COLEC12: variants seen among roughly 807,000 people sequenced by gnomAD.
COLEC12 encodes collectin-12.
A neutral mutation model predicts 71.1 loss-of-function variants in COLEC12; 33 were observed. The ratio of observed to expected loss-of-function variants is 0.46; its 90% CI spans 0.35 to 0.62. The LOEUF (loss-of-function observed/expected upper bound fraction) is 0.62. COLEC12 is among the 20% of genes least tolerant of loss of function. COLEC12 has a pLI of 0.00. For synonymous variants in COLEC12, 350 were observed against 353.0 expected (o/e 0.99, Z 0.10); for missense variants, 765 against 916.1 (o/e 0.84, Z 2.13).
At chr18:337,834 CCCA>C (rs1384462134) in intron 5 of COLEC12, among the ~76,000 whole-genome samples, 2 of 152,210 alleles carry the variant, frequency 1.3e-5, no homozygotes, top group Admixed American at 6.5e-5. Flanking sequence ...CATCCCTTCT[CCCA>C]CCACATTGCC....
chr18:335,356 A>G, intron 5 of COLEC12, 126 bp from the exon 6 acceptor site: 1 of 1,022,544 alleles, frequency 9.8e-7, no homozygotes, highest in Non-Finnish European at 1.4e-6. Context: ...CAGCAGGGAA[A>G]GACCATCTGT....
intron 2 of COLEC12, among the ~76,000 whole-genome samples, chr18:433,635 C>T (rs1273335235): frequency 6.6e-6 from 1 of 152,066 alleles, no homozygotes; most frequent in Non-Finnish European, 1.5e-5. Context: ...TAAGCCAGAC[C>T]TGATCATCGC....
At chr18:378,412 C>A (rs904066770) in intron 2 of COLEC12, among the ~76,000 whole-genome samples, 1 of 152,226 alleles carries the variant, frequency 6.6e-6, no homozygotes, top group Non-Finnish European at 1.5e-5. Context: ...CTGCAAGGAA[C>A]AGCGGCCAGG....
At chr18:335,333 T>C (rs1914094603) in intron 5 of COLEC12, 103 bp from the exon 6 acceptor site, 3 of 1,255,702 alleles carry the variant, frequency 2.4e-6, no homozygotes, top group Non-Finnish European at 3.3e-6. Flanking sequence ...AAACCTAGCA[T>C]ACAAAGTATA....
chr18:348,576 G>C (rs762093596), intron 3 of COLEC12, among the ~76,000 whole-genome samples: 1 of 152,176 alleles, frequency 6.6e-6, no homozygotes, highest in Non-Finnish European at 1.5e-5. Context: ...ATTCTTGGCA[G>C]GTGGGACTCA....
At chr18:331,918 C>T (rs1255413980) in intron 7 of COLEC12, 141 bp from the exon 8 acceptor site, 2 of 621,428 alleles carry the variant, frequency 3.2e-6, no homozygotes, top group African/African-American at 3.7e-5. Flanking sequence ...TTGCTTTCTG[C>T]TTTTTTCTTG....
intron 2 of COLEC12, among the ~76,000 whole-genome samples, chr18:421,885 G>T (rs535892269): frequency 6.6e-6 from 1 of 152,326 alleles, no homozygotes; most frequent in African/African-American, 2.4e-5. Flanking sequence ...ACACCAGCTG[G>T]ATTGGAGCTA....
chr18:356,212 T>C (rs1259603104), intron 3 of COLEC12, among the ~76,000 whole-genome samples: 1 of 152,130 alleles, frequency 6.6e-6, no homozygotes, highest in African/African-American at 2.4e-5. Context: ...GATTCTTCAA[T>C]TACATCATCT....
chr18:380,787 G>A (rs1345106580), intron 2 of COLEC12, among the ~76,000 whole-genome samples: 1 of 152,120 alleles, frequency 6.6e-6, no homozygotes, highest in African/African-American at 2.4e-5. Context: ...CGTTCTTAGA[G>A]ACCTCATCTG....
intron 2 of COLEC12, among the ~76,000 whole-genome samples, chr18:370,494 T>C (rs1914976652): frequency 6.6e-6 from 1 of 152,196 alleles, no homozygotes; most frequent in Non-Finnish European, 1.5e-5. Context: ...GAATATGGAA[T>C]TTGGAATTAG....
intron 2 of COLEC12, among the ~76,000 whole-genome samples, chr18:368,832 C>G (rs576071303): frequency 5.1e-4 from 77 of 152,328 alleles, no homozygotes; most frequent in Middle Eastern, 3.4e-3. Flanking sequence ...CGTCACTGCA[C>G]TCCAGCCTGG....
chr18:379,178 G>A (rs564053339), intron 2 of COLEC12, among the ~76,000 whole-genome samples: 11 of 151,870 alleles, frequency 7.2e-5, no homozygotes, highest in African/African-American at 1.2e-4. Flanking sequence ...GCTGGAGTAC[G>A]GAGGAGTGAT....
intron 2 of COLEC12, among the ~76,000 whole-genome samples, chr18:431,835 G>C (rs1256398388): frequency 6.6e-6 from 1 of 152,178 alleles, no homozygotes; most frequent in African/African-American, 2.4e-5. Flanking sequence ...GTAATAATAA[G>C]TGTAGCCACT....
intron 2 of COLEC12, among the ~76,000 whole-genome samples, chr18:374,416 ATCAAGCCAT>A (rs1157053302): frequency 1.3e-5 from 2 of 151,620 alleles, no homozygotes; most frequent in Non-Finnish European, 2.9e-5. Flanking sequence ...TGCAATTGCA[ATCAAGCCAT>A]TCAAGCCATT....
chr18:389,524 C>T (rs1915417940), intron 2 of COLEC12, among the ~76,000 whole-genome samples: 1 of 151,724 alleles, frequency 6.6e-6, no homozygotes, highest in Non-Finnish European at 1.5e-5. Flanking sequence ...ATGGTCCGCC[C>T]ACCTCGGCCT....
At chr18:322,592 T>C (rs1013959972) in intron 8 of COLEC12, among the ~76,000 whole-genome samples, 12 of 152,176 alleles carry the variant, frequency 7.9e-5, no homozygotes, top group Non-Finnish European at 7.4e-5. Context: ...CAGGTGTGCT[T>C]CCAGACTCAC....
At chr18:436,571 G>T (rs1050553995) in intron 2 of COLEC12, among the ~76,000 whole-genome samples, 3 of 150,182 alleles carry the variant, frequency 2.0e-5, no homozygotes, top group Non-Finnish European at 4.4e-5. Context: ...ATTTAGATTT[G>T]GAGTTTTATG....
Position 341,252 on chromosome 18 carries a change from G to A in COLEC12, c.1327+5043C>T, listed in dbSNP as rs114660006. ...TTGCAACTAGACAGACCTGAGTTTG[G>A]CACTGTCTGCCATTTACTAGTTGTT... is the stretch of plus-strand genomic sequence containing the variant. On this transcript the variant is annotated intron_variant, in intron 5 of 9. Transcript: ENST00000400256. Among the ~76,000 whole-genome samples, 1,224 of 152,292 alleles carry A rather than the reference G, an allele frequency of 8.0e-3. 15 individuals are homozygous for A. The highest frequency in any genetic ancestry group is 0.028 in the African/African-American group (1,169 of 41,546).
chr18:364,271 C>T (rs781056368), intron 2 of COLEC12, among the ~76,000 whole-genome samples: 1 of 152,142 alleles, frequency 6.6e-6, no homozygotes, highest in African/African-American at 2.4e-5. Context: ...CCAGATGTAA[C>T]GGTCCCACTC....
Sources: allele counts gnomAD v4.1 joint callset (sites outside exome capture counted in the v4.1 genomes callset), GRCh38; gene constraint gnomAD v4.1.1; transcripts MANE v1.5; gene names NCBI Gene and HGNC (gene_info 2026-07-23, HGNC 2026-07-21).